HABP2: variants seen among roughly 807,000 people sequenced by gnomAD.
HABP2 encodes the protein factor VII-activating protease.
Under a neutral mutation model 66.5 loss-of-function variants are expected in HABP2, and 65 were observed. That is an observed-to-expected ratio of 0.98 (90% confidence interval 0.80 to 1.20). The LOEUF (loss-of-function observed/expected upper bound fraction) is 1.20. Among genes scored for constraint, HABP2 ranks in the 50% most tolerant of loss-of-function variants. HABP2 has a pLI of 0.00. For synonymous variants in HABP2, 263 were observed against 253.9 expected (o/e 1.04, Z -0.34); for missense variants, 786 against 691.0 (o/e 1.14, Z -1.54).
chr10:113,557,105 A>G (rs999558995), intron 1 of HABP2, among the ~76,000 whole-genome samples: 22 of 152,140 alleles, frequency 1.4e-4, no homozygotes, highest in African/African-American at 5.3e-4. Flanking sequence ...CGATTAATTC[A>G]AGCATCCACA....
rs1403881765 is a variant in HABP2, at chr10:113,588,260, G to T, written c.1574G>T (p.Gly525Val). ...CEKDGTYYVY[G>V]IVSWGLECGK... ...AAGGACGGCACCTACTACGTCTATG[G>T]GATAGTGAGCTGGGGCCTGGAGTGT... Residue 525 changes from glycine to valine, a missense_variant, in exon 13 of 13, where the codon GGG (glycine) becomes GTG (valine). Gly to Val is a moderately radical substitution (Grantham distance 109). Coordinates refer to ENST00000351270, the MANE Select transcript of HABP2 (RefSeq NM_004132.5). The T allele has an allele frequency of 8.7e-6, 14 of 1,613,574 alleles. No homozygotes were observed. The highest frequency in any genetic ancestry group is 1.1e-5 in the Non-Finnish European group (13 of 1,179,768).
chr10:113,589,234 G>A lies in HABP2; in HGVS notation c.*865G>A. The A allele has an allele frequency of 1.6e-6, 1 of 614,470 alleles. No individual in the cohort carries two copies. The highest frequency in any genetic ancestry group is 2.8e-6 in the Non-Finnish European group (1 of 355,376). The allele number at this position is 614,470 out of a possible 1,614,324, so 38.1% of individuals were successfully genotyped here. A position where few individuals can be genotyped will look rare whatever the true frequency, so the allele number is the denominator to read the frequency against. On this transcript the variant is annotated 3_prime_UTR_variant, in exon 13 of 13. Coordinates refer to ENST00000351270, the MANE Select transcript of HABP2 (RefSeq NM_004132.5). ...CTCTTCTACCCTCCCCAAGAAAAAG[G>A]GCCTTCAAGGCAGGAATGAGAAAGC... is the stretch of plus-strand genomic sequence containing the variant.
chr10:113,559,646 T>A (rs898386510), intron 1 of HABP2, among the ~76,000 whole-genome samples: 1 of 152,146 alleles, frequency 6.6e-6, no homozygotes, highest in Non-Finnish European at 1.5e-5. Flanking sequence ...GCCCCAGGGA[T>A]CTGTATTTTT....
chr10:113,588,995 T>TCAGAACC lies in HABP2; in HGVS notation c.*627_*628insAGAACCC. 6.2e-7 allele frequency: 1 copy of TCAGAACC among 1,613,936 alleles called. No homozygotes were observed. The highest frequency in any genetic ancestry group is 8.5e-7 in the Non-Finnish European group (1 of 1,179,870). ...ATGGCTCACAACAGCAGGGCCTTCTTCTTTTTGACGTGCAGAATCTCAGTG... is the reference window on the plus strand; with the variant it reads ...ATGGCTCACAACAGCAGGGCCTTCTTCAGAACCCTTTTTGACGTGCAGAATCTCAGTG... On this transcript the variant is annotated 3_prime_UTR_variant, in exon 13 of 13. Transcript: ENST00000351270.
At chr10:113,577,583 G>T (rs764540085) in intron 5 of HABP2, among the ~76,000 whole-genome samples, 2 of 152,220 alleles carry the variant, frequency 1.3e-5, no homozygotes, top group Admixed American at 6.5e-5. Flanking sequence ...GGCAGGCATT[G>T]TCTCAGGAAA....
chr10:113,563,268 A>C (rs1845133320), intron 1 of HABP2, among the ~76,000 whole-genome samples: 1 of 152,204 alleles, frequency 6.6e-6, no homozygotes, highest in African/African-American at 2.4e-5. Context: ...GAGAAGAGAT[A>C]ATGGAATGAT....
intron 4 of HABP2, 78 bp downstream of exon 4, chr10:113,576,082 G>A (rs554923364): frequency 1.2e-4 from 98 of 821,252 alleles, no homozygotes; most frequent in Middle Eastern, 9.0e-4. Flanking sequence ...AAAGCACTGC[G>A]CAATGCCATG....
rs1380300741 is a variant in HABP2 at position 113,589,334 on chromosome 10, C to G, written c.*965C>G. 2 of 572,434 alleles carry G rather than the reference C, an allele frequency of 3.5e-6. No homozygotes were observed. Among genetic ancestry groups the G allele is most frequent in the Admixed American group, 3.2e-5 (1 of 31,042 alleles). The allele number at this position is 572,434 out of a possible 1,614,324, so 35.5% of individuals were successfully genotyped here. ...GGTTCAAAATGCAGACTGTCATATC[C>G]AGCGAGTCCCTGACCCTTTCTGCGA... is the stretch of plus-strand genomic sequence containing the variant. On this transcript the variant is annotated 3_prime_UTR_variant, in exon 13 of 13. Transcript: ENST00000351270.
chr10:113,565,125 T>G (rs1845175419), intron 1 of HABP2, among the ~76,000 whole-genome samples: 1 of 152,238 alleles, frequency 6.6e-6, no homozygotes, highest in Non-Finnish European at 1.5e-5. Context: ...ATTACAGGCG[T>G]GAGCCACCAC....
chr10:113,562,441 CTTTTT>C (rs11396673), intron 1 of HABP2, among the ~76,000 whole-genome samples: 3 of 121,680 alleles, frequency 2.5e-5, no homozygotes, highest in Non-Finnish European at 3.3e-5. Flanking sequence ...ATTGGATAAG[CTTTTT>C]TTTTTTTTTT....
At position 113,588,950 on chromosome 10, in the gene HABP2, T is replaced by C; in HGVS notation, c.*581T>C. 1 of 1,566,780 alleles carries C rather than the reference T, an allele frequency of 6.4e-7. No individual in the cohort carries two copies. Among genetic ancestry groups the C allele is most frequent in the East Asian group, 2.3e-5 (1 of 44,318 alleles). ...TGGTGAACAAACTTCCTCTCTGGCCTCTCAGGAATCAGGGTGGACATGGCT... is the reference window on the plus strand; with the variant it reads ...TGGTGAACAAACTTCCTCTCTGGCCCCTCAGGAATCAGGGTGGACATGGCT... On this transcript the variant is annotated 3_prime_UTR_variant, in exon 13 of 13. Transcript: ENST00000351270.
chr10:113,558,977 C>G (rs1045772754), intron 1 of HABP2, among the ~76,000 whole-genome samples: 7 of 152,154 alleles, frequency 4.6e-5, no homozygotes, highest in African/African-American at 1.7e-4. Context: ...GACTCAGCCT[C>G]CTGAGTAGCT....
chr10:113,582,127 A>G lies in HABP2; in HGVS notation c.1090A>G (p.Thr364Ala). The G allele has an allele frequency of 6.2e-7, 1 of 1,603,718 alleles. No homozygotes were observed. The highest frequency in any genetic ancestry group is 8.5e-7 in the Non-Finnish European group (1 of 1,179,154). Residue 364 changes from threonine (T) to alanine (A), a missense_variant, in exon 9 of 13, where the codon ACC (threonine) becomes GCC (alanine). Coordinates refer to ENST00000351270, the MANE Select transcript of HABP2 (RefSeq NM_004132.5). ...PCWVLTAAHC[T>A]DIKTRHLKVV... is the part of the protein sequence containing the mutation. ...CTGGGTGCTCACTGCTGCCCACTGCACCGAGTAGGTGCCGCTGGGAGCAGG... is the reference window on the plus strand; with the variant it reads ...CTGGGTGCTCACTGCTGCCCACTGCGCCGAGTAGGTGCCGCTGGGAGCAGG...
chr10:113,554,840 A>G (rs915688264), intron 1 of HABP2, among the ~76,000 whole-genome samples: 4 of 152,238 alleles, frequency 2.6e-5, no homozygotes, highest in African/African-American at 9.6e-5. Flanking sequence ...TCAATAATGG[A>G]TAAAAGAGAA....
chr10:113,582,360 G>A (rs1845555990), intron 9 of HABP2, among the ~76,000 whole-genome samples: 1 of 152,206 alleles, frequency 6.6e-6, no homozygotes, highest in Non-Finnish European at 1.5e-5. Context: ...GCTGTCTGCT[G>A]GAAGACAAGC....
chr10:113,577,288 G>C, intron 5 of HABP2, 22 bp downstream of exon 5: 4 of 1,206,750 alleles, frequency 3.3e-6, no homozygotes, highest in Non-Finnish European at 4.9e-6. Context: ...AGGCCCCTTC[G>C]ACGCTAGACT....
chr10:113,570,582 A>G (rs11575726), intron 2 of HABP2, among the ~76,000 whole-genome samples: 1,835 of 152,328 alleles, frequency 0.012, 48 homozygotes, highest in African/African-American at 0.042. Flanking sequence ...ATGGCAGGCT[A>G]CTGTGCCTCT....
At chr10:113,586,446 T>C (rs1845634439) in intron 12 of HABP2, among the ~76,000 whole-genome samples, 1 of 138,038 alleles carries the variant, frequency 7.2e-6, no homozygotes, top group African/African-American at 2.7e-5. Context: ...AACTCATGAT[T>C]AGGACTCATG....
intron 1 of HABP2, among the ~76,000 whole-genome samples, chr10:113,563,580 C>G (rs528635012): frequency 5.9e-5 from 9 of 152,270 alleles, no homozygotes; most frequent in South Asian, 4.2e-4. Flanking sequence ...CAGGAAGTCT[C>G]GGCTTTCTTT....
Sources: allele counts gnomAD v4.1 joint callset (sites outside exome capture counted in the v4.1 genomes callset), GRCh38; gene constraint gnomAD v4.1.1; transcripts MANE v1.5; gene names NCBI Gene and HGNC (gene_info 2026-07-23, HGNC 2026-07-21).